The following GLMN variants were observed in gnomAD, a reference collection of about 807,000 sequenced individuals.
GLMN encodes glomulin, FKBP associated protein.
In GLMN, 75 loss-of-function variants were observed where a neutral mutation model predicts 87.8. The observed-to-expected ratio is 0.85, with a 90% CI of 0.71 to 1.04. The LOEUF is 1.04. GLMN is among the 50% of genes least tolerant of loss of function. The pLI is 0.00. For synonymous variants in GLMN, 206 were observed against 221.6 expected (o/e 0.93, Z 0.63); for missense variants, 588 against 658.8 (o/e 0.89, Z 1.18).
intron 7 of GLMN, among the ~76,000 whole-genome samples, chr1:92,280,567 G>T (rs541698078): frequency 2.0e-5 from 3 of 152,212 alleles, no homozygotes; most frequent in Non-Finnish European, 4.4e-5. Context: ...CTCTTTCAAA[G>T]GATCACAGCT....
At chr1:92,301,284 G>A (rs749929597), upstream of GLMN, among the ~76,000 whole-genome samples, 11 of 152,138 alleles carry the variant, frequency 7.2e-5, no homozygotes, top group Non-Finnish European at 1.3e-4. Flanking sequence ...AGGAGCTCGA[G>A]ACCAGTTTGA....
chr1:92,350,818 G>A, the GLMN span, among the ~76,000 whole-genome samples: 2 of 152,090 alleles, frequency 1.3e-5, no homozygotes, highest in Non-Finnish European at 2.9e-5. Context: ...TATAGTTCCA[G>A]CTACTCTGGA....
upstream of GLMN, chr1:92,299,075 T>TGGCGGACTTCGCTG: frequency 6.7e-7 from 1 of 1,501,796 alleles, no homozygotes; most frequent in Non-Finnish European, 8.9e-7. Context: ...CTCTCCCCCA[T>TGGCGGACTTCGCTG]GGCGGACTTC....
At chr1:92,299,187 C>T (rs1386939929), upstream of GLMN, 6 of 1,280,310 alleles carry the variant, frequency 4.7e-6, no homozygotes, top group East Asian at 1.4e-4. Context: ...ACCCTGAAAG[C>T]TGGGCCCCGA....
chr1:92,323,350 T>G, the GLMN span: 1 of 746,728 alleles, frequency 1.3e-6, no homozygotes, highest in Non-Finnish European at 2.0e-6. Flanking sequence ...AAAGTTACAA[T>G]GTATAAATAC....
At chr1:92,309,547 A>G in the GLMN span, among the ~76,000 whole-genome samples, 4 of 42,994 alleles carry the variant, frequency 9.3e-5, no homozygotes, top group Admixed American at 8.8e-4. Flanking sequence ...ACACATACAC[A>G]TACACATACA....
rs772924060 is a variant in GLMN at position 92,269,722 on chromosome 1, C to A, written c.977+1G>T. ...TTGAGATACCATCTAAACGATCTTA[C>A]CTTTGCAAAAAGACTTCAATGTGCC... On this transcript the variant is annotated splice_donor_variant, in intron 9 of 18. Coordinates refer to ENST00000370360, the MANE Select transcript of GLMN (RefSeq NM_053274.3). LOFTEE classifies it high-confidence loss of function. 6.2e-7 allele frequency: 1 copy of A among 1,602,216 alleles called. No homozygotes were observed. The highest frequency in any genetic ancestry group is 8.6e-7 in the Non-Finnish European group (1 of 1,169,402).
At chr1:92,314,475 A>G in the GLMN span, among the ~76,000 whole-genome samples, 4 of 152,076 alleles carry the variant, frequency 2.6e-5, no homozygotes, top group Non-Finnish European at 4.4e-5. Context: ...TTACAGCTGG[A>G]CACAGAGGCT....
At chr1:92,264,472 A>T in intron 14 of GLMN, 82 bp downstream of exon 14, 1 of 722,824 alleles carries the variant, frequency 1.4e-6, no homozygotes, top group East Asian at 2.6e-5. Context: ...ATAGAGCAAT[A>T]ACTCACATTA....
At chr1:92,357,333 T>G in the GLMN span, among the ~76,000 whole-genome samples, 3 of 152,156 alleles carry the variant, frequency 2.0e-5, no homozygotes, top group Admixed American at 6.5e-5. Context: ...TTGGGATTCA[T>G]AGAAGTAAAA....
At chr1:92,319,493 C>T in the GLMN span, among the ~76,000 whole-genome samples, 3 of 152,084 alleles carry the variant, frequency 2.0e-5, no homozygotes, top group Non-Finnish European at 2.9e-5. Context: ...CTGGCAGGCG[C>T]GGTGGCTCAC....
chr1:92,298,034 A>T lies in GLMN; in HGVS notation c.-30-5T>A. The T allele has an allele frequency of 7.8e-7, 1 of 1,280,768 alleles. No individual in the cohort carries two copies. The highest frequency in any genetic ancestry group is 2.0e-4 in the Middle Eastern group (1 of 5,004). The allele number at this position is 1,280,768 out of a possible 1,614,324, so 79.3% of individuals were successfully genotyped here. A position where few individuals can be genotyped will look rare whatever the true frequency, so the allele number is the denominator to read the frequency against. The stretch of plus-strand genomic sequence containing the variant: ...TCCTAGTTTCGATGCTAAAATCTAC[A>T]AATACAAAACACACTGTTAACTATC... On this transcript the variant is annotated splice_polypyrimidine_tract_variant and splice_region_variant and intron_variant, in intron 1 of 18. Coordinates refer to ENST00000370360, the MANE Select transcript of GLMN (RefSeq NM_053274.3).
At chr1:92,280,291 C>G (rs576034515) in intron 7 of GLMN, among the ~76,000 whole-genome samples, 108 of 152,140 alleles carry the variant, frequency 7.1e-4, no homozygotes, top group South Asian at 1.7e-3. Context: ...AATATTTGCT[C>G]TTCTGCAGCC....
intron 4 of GLMN, among the ~76,000 whole-genome samples, chr1:92,290,569 G>T (rs1649290802): frequency 6.6e-6 from 1 of 152,224 alleles, no homozygotes; most frequent in South Asian, 2.1e-4. Context: ...TGTCCACTCT[G>T]AAATTGCCTT....
upstream of GLMN, chr1:92,301,450 G>C: frequency 6.5e-6 from 8 of 1,236,270 alleles, no homozygotes; most frequent in Non-Finnish European, 9.4e-6. Flanking sequence ...CTTTTAAGTA[G>C]ATTAAGTTTC....
chr1:92,323,180 A>T, the GLMN span, among the ~76,000 whole-genome samples: 4 of 150,244 alleles, frequency 2.7e-5, no homozygotes, highest in South Asian at 4.2e-4. Flanking sequence ...TAACAATTTT[A>T]AAATAATTGG....
intron 16 of GLMN, among the ~76,000 whole-genome samples, chr1:92,258,126 A>G (rs1240191161): frequency 6.6e-6 from 1 of 152,244 alleles, no homozygotes; most frequent in Admixed American, 6.5e-5. Context: ...TCAAAAGAAG[A>G]TATTTATGCA....
chr1:92,340,819 G>A, the GLMN span, among the ~76,000 whole-genome samples: 39 of 152,162 alleles, frequency 2.6e-4, no homozygotes, highest in Middle Eastern at 3.4e-3. Flanking sequence ...TTTACCTGTC[G>A]TAGTGTAAAG....
the GLMN span, among the ~76,000 whole-genome samples, chr1:92,352,373 C>T: frequency 1.3e-5 from 2 of 152,202 alleles, no homozygotes; most frequent in Non-Finnish European, 2.9e-5. Flanking sequence ...CAGATAGATA[C>T]TCTGGAGAGT....
Sources: allele counts gnomAD v4.1 joint callset (sites outside exome capture counted in the v4.1 genomes callset), GRCh38; gene constraint gnomAD v4.1.1; transcripts MANE v1.5; gene names NCBI Gene and HGNC (gene_info 2026-07-23, HGNC 2026-07-21).